The following EDA variants were observed in gnomAD, a reference collection of about 807,000 sequenced individuals.
EDA encodes the protein ectodysplasin A.
Under a neutral mutation model 23.6 loss-of-function variants are expected in EDA, and 2 were observed. That is an observed-to-expected ratio of 0.08 (90% confidence interval 0.03 to 0.27). The LOEUF is 0.27. Among genes scored for constraint, EDA ranks in the 10% least tolerant of loss-of-function variants. The pLI is 1.00. For synonymous variants in EDA, 131 were observed against 132.0 expected, an observed-to-expected ratio of 0.99 and a Z score of 0.05; for missense variants, 229 against 324.2, an observed-to-expected ratio of 0.71 and a Z score of 2.26.
intron 1 of EDA, among the ~76,000 whole-genome samples, chrX:69,768,403 AT>A (rs1322366435): frequency 6.3e-5 from 7 of 111,229 alleles, no homozygotes; most frequent in Non-Finnish European, 1.3e-4. Flanking sequence ...GTCTTTATTT[AT>A]TTTTTTGCAT....
intron 1 of EDA, among the ~76,000 whole-genome samples, chrX:69,907,848 G>A (rs1569370068): frequency 9.1e-6 from 1 of 110,420 alleles, no homozygotes; most frequent in Non-Finnish European, 1.9e-5. Flanking sequence ...TTCCCTTTGA[G>A]TCTCTAATCC....
intron 3 of EDA, 127 bp downstream of exon 3, chrX:70,023,368 A>T: frequency 2.4e-6 from 1 of 420,411 alleles, no homozygotes; most frequent in Non-Finnish European, 4.1e-6. Flanking sequence ...TTATTCAATC[A>T]TATGTTATCT....
chrX:69,883,516 T>C, intron 1 of EDA, among the ~76,000 whole-genome samples: 1 of 111,748 alleles, frequency 8.9e-6, no homozygotes, highest in Non-Finnish European at 1.9e-5. Context: ...AATTTGTCTC[T>C]AAGATTCTTG....
chrX:69,703,983 A>G (rs919509949), intron 1 of EDA, among the ~76,000 whole-genome samples: 3 of 112,439 alleles, frequency 2.7e-5, no homozygotes, highest in Admixed American at 9.4e-5. Flanking sequence ...CATAGTATAT[A>G]TAGAGTTTGG....
chrX:69,776,591 G>A (rs1216952544), intron 1 of EDA, among the ~76,000 whole-genome samples: 2 of 110,832 alleles, frequency 1.8e-5, no homozygotes, highest in Non-Finnish European at 3.8e-5. Context: ...CCCAGTCTCG[G>A]GTATGTCTTT....
At chrX:69,815,648 C>T (rs1300601896) in intron 1 of EDA, among the ~76,000 whole-genome samples, 1 of 112,336 alleles carries the variant, frequency 8.9e-6, no homozygotes, top group African/African-American at 3.2e-5. Context: ...GCTTCAGCCA[C>T]ACCAGCAAGG....
chrX:70,024,594 C>G (rs1339693439), intron 3 of EDA, among the ~76,000 whole-genome samples: 1 of 112,903 alleles, frequency 8.9e-6, no homozygotes, highest in Non-Finnish European at 1.9e-5. Context: ...ATTGAGAAGA[C>G]AGTGCACATA....
At chrX:69,721,663 C>T (rs1311043874) in intron 1 of EDA, among the ~76,000 whole-genome samples, 1 of 110,994 alleles carries the variant, frequency 9.0e-6, no homozygotes, top group Non-Finnish European at 1.9e-5. Flanking sequence ...GTGGGCTGAT[C>T]TCTGTTGCTA....
rs2018186492 is a variant in EDA at position 69,906,844 on chromosome X, C to T, written c.397-50183C>T. On this transcript the variant is annotated intron_variant, in intron 1 of 7. Transcript: ENST00000374552. ...AGAAAAAAGAATACTTTTAGCTAAA[C>T]GTAATGTCTTTTCTTCTCTGTATTT... Among the ~76,000 whole-genome samples, 6 of 112,208 alleles carry T rather than the reference C, an allele frequency of 5.3e-5. 1 individual carries two copies. The South Asian group carries it at 1.8e-3, about 34-fold the overall frequency.
intron 2 of EDA, among the ~76,000 whole-genome samples, chrX:70,003,220 T>C (rs1175427082): frequency 4.5e-5 from 5 of 111,385 alleles, no homozygotes; most frequent in African/African-American, 1.6e-4. Context: ...GCTGTATCTC[T>C]GGACAACTAC....
intron 1 of EDA, among the ~76,000 whole-genome samples, chrX:69,678,067 A>G (rs112842417): frequency 9.0e-6 from 1 of 111,128 alleles, no homozygotes; most frequent in Non-Finnish European, 1.9e-5. Flanking sequence ...AGCACCATTT[A>G]TTAAATAGGG....
At position 69,616,236 on chromosome X, in the gene EDA, G is replaced by C; in HGVS notation, c.-73G>C. On this transcript the variant is annotated 5_prime_UTR_variant, in exon 1 of 8. Transcript: ENST00000374552. Reference sequence around the variant, plus strand: ...GCCGATGGCAGGACAGTAGCCGCCTGTCAGAGGTCGTGAACGGCTGAGGCA... The same window carrying C: ...GCCGATGGCAGGACAGTAGCCGCCTCTCAGAGGTCGTGAACGGCTGAGGCA... 2 of 1,120,022 alleles carry C rather than the reference G, an allele frequency of 1.8e-6. No individual in the cohort carries two copies. Among genetic ancestry groups the C allele is most frequent in the Non-Finnish European group, 2.4e-6 (2 of 843,257 alleles). The allele number at this position is 1,120,022 out of a possible 1,213,427, so 92.3% of individuals were successfully genotyped here.
At chrX:69,684,036 C>T (rs1011679443) in intron 1 of EDA, among the ~76,000 whole-genome samples, 2 of 112,121 alleles carry the variant, frequency 1.8e-5, no homozygotes, top group Admixed American at 1.9e-4. Context: ...TCTAGTACAT[C>T]ACCTAAGAAC....
At chrX:69,833,760 G>T (rs2016689223) in intron 1 of EDA, among the ~76,000 whole-genome samples, 1 of 110,882 alleles carries the variant, frequency 9.0e-6, no homozygotes. Flanking sequence ...CTTCTTTCTG[G>T]TTTAGTCTTG....
intron 1 of EDA, among the ~76,000 whole-genome samples, chrX:69,698,857 G>A (rs1179456296): frequency 9.0e-6 from 1 of 111,491 alleles, no homozygotes; most frequent in African/African-American, 3.3e-5. Context: ...GATTGGATGA[G>A]TGTTGGGAGT....
intron 1 of EDA, among the ~76,000 whole-genome samples, chrX:69,946,892 C>A (rs760203728): frequency 8.9e-6 from 1 of 112,079 alleles, no homozygotes; most frequent in South Asian, 3.8e-4. Context: ...TTAGTCATAA[C>A]GCTACTCTAA....
At chrX:69,980,500 A>G (rs1395713204) in intron 2 of EDA, among the ~76,000 whole-genome samples, 2 of 112,440 alleles carry the variant, frequency 1.8e-5, no homozygotes, top group Admixed American at 1.9e-4. Context: ...GCTGATTACT[A>G]TAACAATGTG....
intron 1 of EDA, among the ~76,000 whole-genome samples, chrX:69,712,381 C>A (rs920087456): frequency 9.0e-6 from 1 of 111,075 alleles, no homozygotes; most frequent in African/African-American, 3.3e-5. Flanking sequence ...TTAAACAACC[C>A]CATCAAAAAG....
At chrX:69,687,083 A>T (rs192532740) in intron 1 of EDA, among the ~76,000 whole-genome samples, 2 of 111,337 alleles carry the variant, frequency 1.8e-5, no homozygotes, top group Admixed American at 1.9e-4. Flanking sequence ...CCTTGTCTAC[A>T]CTTGTTATTG....
Sources: allele counts gnomAD v4.1 joint callset (sites outside exome capture counted in the v4.1 genomes callset), GRCh38; gene constraint gnomAD v4.1.1; transcripts MANE v1.5; gene names NCBI Gene and HGNC (gene_info 2026-07-23, HGNC 2026-07-21).